The following ADAM28 variants were observed in gnomAD, a reference collection of about 807,000 sequenced individuals.
ADAM28 encodes disintegrin and metalloproteinase domain-containing protein 28.
A neutral mutation model predicts 101.2 loss-of-function variants in ADAM28; 105 were observed. That is an observed-to-expected ratio of 1.04 (90% confidence interval 0.89 to 1.22). The LOEUF (loss-of-function observed/expected upper bound fraction) is 1.22. Ranked by LOEUF, ADAM28 falls within the 50% of genes most tolerant of loss-of-function variation. ADAM28 has a pLI of 0.00. For missense variants in ADAM28, 1,028 were observed against 945.4 expected (o/e 1.09, Z -1.15); for synonymous variants, 322 against 310.6 (o/e 1.04, Z -0.39).
intron 12 of ADAM28, among the ~76,000 whole-genome samples, chr8:24,332,092 C>G (rs1485371923): frequency 6.6e-6 from 1 of 152,160 alleles, no homozygotes; most frequent in African/African-American, 2.4e-5. Context: ...CCCTGAAACT[C>G]TCAGTCTTCT....
intron 2 of ADAM28, among the ~76,000 whole-genome samples, chr8:24,301,423 C>A (rs994680724): frequency 6.6e-6 from 1 of 152,012 alleles, no homozygotes; most frequent in African/African-American, 2.4e-5. Flanking sequence ...CCATGACATG[C>A]GATTTACCTG....
intron 2 of ADAM28, among the ~76,000 whole-genome samples, chr8:24,309,449 T>G (rs1475993716): frequency 6.6e-6 from 1 of 152,208 alleles, no homozygotes; most frequent in Non-Finnish European, 1.5e-5. Flanking sequence ...TAAACATTAC[T>G]TCCTCAAAAA....
At chr8:24,294,315 T>C (rs969609370) in intron 1 of ADAM28, 120 bp downstream of exon 1, 1 of 1,187,602 alleles carries the variant, frequency 8.4e-7, no homozygotes. Context: ...TCTCAATCAA[T>C]CTTACTAACC....
rs887971366 is a variant in ADAM28, at chr8:24,329,905, G to A, written c.973-80G>A. 10 of 1,469,534 alleles carry A rather than the reference G, an allele frequency of 6.8e-6. No homozygotes were observed. In the Admixed American group the frequency reaches 1.1e-4, roughly 16 times the overall value. 91.0% of individuals were successfully genotyped at this position (1,469,534 alleles called of 1,614,324 possible). A position where few individuals can be genotyped will look rare whatever the true frequency, so the allele number is the denominator to read the frequency against. ...TGTGTGTGAGAGAGAGAGAGAGAGA[G>A]AGAGAGAGAGATGGCAAGTAGAGTG... On this transcript the variant is annotated intron_variant, in intron 10 of 22. Transcript: ENST00000265769.
intron 5 of ADAM28, among the ~76,000 whole-genome samples, chr8:24,312,433 A>T (rs1563278768): frequency 6.6e-6 from 1 of 151,958 alleles, no homozygotes; most frequent in Non-Finnish European, 1.5e-5. Context: ...CTATCTTCTA[A>T]ACACTTTCTG....
In ADAM28 at chr8:24,335,621, G is replaced by T; in HGVS notation, c.1547G>T (p.Cys516Phe). ...ACATGCCCCACACTGCAGGAGCAGT[G>T]CACAGAGCTGTGGGGACCAGGTAGG... Reference protein sequence around the residue: ...MGTCPTLQEQCTELWGPGTEV... With the variant: ...MGTCPTLQEQFTELWGPGTEV... Residue 516 changes from cysteine to phenylalanine, a missense_variant, in exon 14 of 23, where the codon TGC becomes TTC. Physicochemically the swap from Cys to Phe is radical, Grantham distance 205 (BLOSUM62 -2). Coordinates refer to ENST00000265769, the MANE Select transcript of ADAM28 (RefSeq NM_014265.6). 1 of 1,611,110 alleles carries T rather than the reference G, an allele frequency of 6.2e-7. No homozygotes were observed. The highest frequency in any genetic ancestry group is 1.1e-5 in the South Asian group (1 of 90,468).
At chr8:24,323,624 C>G (rs1812164542) in intron 8 of ADAM28, among the ~76,000 whole-genome samples, 1 of 151,866 alleles carries the variant, frequency 6.6e-6, no homozygotes, top group Admixed American at 6.6e-5. Context: ...AGTTTACGGA[C>G]CTAAACTATC....
In ADAM28 at chr8:24,313,460, G is replaced by T; in HGVS notation, c.456G>T (p.Glu152Asp). ...GCCCCATACATCGGGATGGACAGGA[G>T]CATGCACTCTTCAAGTATAACCCTG... is the stretch of plus-strand genomic sequence containing the variant. ...PLSPIHRDGQ[E>D]HALFKYNPDE... The change falls in exon 6 of 23, where the codon GAG (glutamate) becomes GAT (aspartate). Residue 152 changes from glutamate (E) to aspartate (D), a missense_variant. Transcript: ENST00000265769. 1.2e-6 allele frequency: 2 copies of T among 1,613,900 alleles called. No individual in the cohort carries two copies. Among genetic ancestry groups the T allele is most frequent in the Non-Finnish European group, 1.7e-6 (2 of 1,179,858 alleles).
chr8:24,313,147 G>C (rs1217740584), intron 5 of ADAM28, among the ~76,000 whole-genome samples: 1 of 152,148 alleles, frequency 6.6e-6, no homozygotes, highest in East Asian at 1.9e-4. Flanking sequence ...TGATATGGTT[G>C]CTTGTACAAC....
intron 2 of ADAM28, among the ~76,000 whole-genome samples, chr8:24,303,659 T>G (rs1050830513): frequency 6.6e-6 from 1 of 152,200 alleles, no homozygotes; most frequent in African/African-American, 2.4e-5. Context: ...TTAAAGTAAT[T>G]TTTTTCTAAT....
intron 2 of ADAM28, among the ~76,000 whole-genome samples, chr8:24,306,351 AATAAATAAATAAATATATAT>A (rs1351908680): frequency 1.9e-5 from 2 of 106,556 alleles, no homozygotes; most frequent in African/African-American, 9.3e-5. Flanking sequence ...CTCAAATACA[AATAAATAAATAAATATATAT>A]ATATATATAT....
At chr8:24,331,672 T>C (rs1043785296) in intron 12 of ADAM28, among the ~76,000 whole-genome samples, 1 of 152,116 alleles carries the variant, frequency 6.6e-6, no homozygotes, top group Non-Finnish European at 1.5e-5. Context: ...GCACTATGAG[T>C]GCCCAGAGTA....
chr8:24,335,625 A>G lies in ADAM28; in HGVS notation c.1551A>G (p.Thr517=). The G allele has an allele frequency of 6.2e-7, 1 of 1,608,376 alleles. No individual in the cohort carries two copies. The stretch of plus-strand genomic sequence containing the variant: ...GCCCCACACTGCAGGAGCAGTGCAC[A>G]GAGCTGTGGGGACCAGGTAGGAGGA... ...GTCPTLQEQC[T]ELWGPGTEVA... is the part of the protein sequence containing the mutation. Residue 517 remains threonine (T), a synonymous_variant, in exon 14 of 23, where the codon ACA becomes ACG. Transcript: ENST00000265769.
intron 21 of ADAM28, 117 bp downstream of exon 21, chr8:24,352,169 A>G: frequency 1.1e-6 from 1 of 885,946 alleles, no homozygotes; most frequent in Non-Finnish European, 1.7e-6. Flanking sequence ...ATCTATGTGA[A>G]TATTAATATA....
chr8:24,332,328 A>C (rs557510730), intron 12 of ADAM28, among the ~76,000 whole-genome samples: 3 of 152,304 alleles, frequency 2.0e-5, no homozygotes, highest in African/African-American at 7.2e-5. Context: ...TGATGAGTTG[A>C]AGGAATTATA....
At chr8:24,325,916 TAAAAGGA>T (rs1287002135) in intron 9 of ADAM28, among the ~76,000 whole-genome samples, 1 of 43,664 alleles carries the variant, frequency 2.3e-5, no homozygotes, top group African/African-American at 9.0e-5. Flanking sequence ...AAACAAAAAC[TAAAAGGA>T]AAGAGTATGA....
intron 19 of ADAM28, 40 bp from the exon 20 acceptor site, chr8:24,351,192 G>C (rs1816078327): frequency 6.9e-7 from 1 of 1,443,364 alleles, no homozygotes; most frequent in Non-Finnish European, 9.3e-7. Context: ...TGCTGAAGGA[G>C]CTGCTAAGTC....
At chr8:24,303,436 A>G (rs1371690619) in intron 2 of ADAM28, among the ~76,000 whole-genome samples, 2 of 152,178 alleles carry the variant, frequency 1.3e-5, no homozygotes, top group Non-Finnish European at 2.9e-5. Flanking sequence ...AGGTTTGTCA[A>G]AGATCAGAGG....
chr8:24,297,379 T>G (rs1228568547), intron 1 of ADAM28, among the ~76,000 whole-genome samples: 1 of 152,210 alleles, frequency 6.6e-6, no homozygotes, highest in Admixed American at 6.5e-5. Flanking sequence ...AAAATTTGTG[T>G]TGGCTAGATG....
Sources: gnomAD v4.1 joint callset for allele counts (sites outside exome capture counted in the v4.1 genomes callset) on GRCh38, gnomAD v4.1.1 for gene constraint, MANE v1.5 for transcripts, NCBI Gene and HGNC (gene_info 2026-07-23, HGNC 2026-07-21) for gene names.